Variants in LDLRAD3 observed in about 807,000 individuals in gnomAD.
The protein encoded by LDLRAD3 is low-density lipoprotein receptor class A domain-containing protein 3.
LDLRAD3 carries 20 observed loss-of-function variants against 29.4 expected under a neutral mutation model. The observed-to-expected ratio is 0.68, with a 90% CI of 0.48 to 0.99. The LOEUF is 0.99. Ranked by LOEUF, LDLRAD3 falls within the 50% of genes least tolerant of loss-of-function variation. LDLRAD3 has a pLI of 0.00. For missense variants in LDLRAD3, 420 were observed against 454.3 expected (o/e 0.92, Z 0.69); for synonymous variants, 157 against 192.7 (o/e 0.81, Z 1.53).
chr11:35,968,426 G>A (rs543905913), intron 1 of LDLRAD3: 160 of 372,130 alleles, frequency 4.3e-4, no homozygotes, highest in African/African-American at 2.6e-3. Context: ...TTGGCCTGGT[G>A]TCTCAGGATA....
chr11:36,100,845 A>G (rs1853436358), intron 4 of LDLRAD3, among the ~76,000 whole-genome samples: 3 of 152,226 alleles, frequency 2.0e-5, no homozygotes, highest in Admixed American at 1.3e-4. Flanking sequence ...TAGGCCTGTC[A>G]ATAGTTTGGG....
intron 3 of LDLRAD3, among the ~76,000 whole-genome samples, chr11:36,093,991 T>C (rs1853321655): frequency 6.6e-6 from 1 of 152,176 alleles, no homozygotes; most frequent in Non-Finnish European, 1.5e-5. Flanking sequence ...ATATGTAAAA[T>C]AGGTGATGGT....
chr11:36,143,557 C>T (rs937828864), intron 4 of LDLRAD3, among the ~76,000 whole-genome samples: 4 of 152,194 alleles, frequency 2.6e-5, no homozygotes, highest in Admixed American at 1.3e-4. Flanking sequence ...AGGGAGAATG[C>T]CACAGGAAAA....
At chr11:36,127,654 C>G (rs1853857173) in intron 4 of LDLRAD3, among the ~76,000 whole-genome samples, 1 of 152,090 alleles carries the variant, frequency 6.6e-6, no homozygotes, top group Non-Finnish European at 1.5e-5. Flanking sequence ...TGTTAGTTAA[C>G]CTGAGTAGAC....
intron 1 of LDLRAD3, among the ~76,000 whole-genome samples, chr11:35,954,987 C>T (rs767379971): frequency 2.0e-5 from 3 of 152,130 alleles, no homozygotes; most frequent in Non-Finnish European, 2.9e-5. Context: ...AGGCCGGGTG[C>T]ACTGGCTTAC....
intron 4 of LDLRAD3, among the ~76,000 whole-genome samples, chr11:36,221,199 T>A (rs1341396623): frequency 1.3e-5 from 2 of 151,982 alleles, no homozygotes; most frequent in Non-Finnish European, 2.9e-5. Flanking sequence ...TATATAAAAT[T>A]AGCCAGGCAT....
chr11:36,041,885 G>A (rs1462171370), intron 2 of LDLRAD3, among the ~76,000 whole-genome samples: 1 of 150,930 alleles, frequency 6.6e-6, no homozygotes, highest in East Asian at 1.9e-4. Flanking sequence ...GGTTGAGGGG[G>A]GTGTGGAGGA....
chr11:36,034,009 T>C (rs183336526), intron 1 of LDLRAD3, among the ~76,000 whole-genome samples: 103 of 152,316 alleles, frequency 6.8e-4, no homozygotes, highest in African/African-American at 2.3e-3. Flanking sequence ...AATTCCATGT[T>C]GTTCCATGCT....
At chr11:36,028,582 C>T (rs574237409) in intron 1 of LDLRAD3, among the ~76,000 whole-genome samples, 334 of 152,260 alleles carry the variant, frequency 2.2e-3, no homozygotes, top group Non-Finnish European at 2.7e-3. Context: ...AAAAATCAGA[C>T]ATTTATAATA....
intron 1 of LDLRAD3, among the ~76,000 whole-genome samples, chr11:35,962,788 A>G (rs1159343374): frequency 6.6e-6 from 1 of 152,242 alleles, no homozygotes; most frequent in African/African-American, 2.4e-5. Context: ...CATACATAGG[A>G]CACCATGAAA....
intron 3 of LDLRAD3, among the ~76,000 whole-genome samples, chr11:36,094,497 C>G (rs1853329744): frequency 6.6e-6 from 1 of 152,330 alleles, no homozygotes; most frequent in Non-Finnish European, 1.5e-5. Flanking sequence ...CAGTATAACA[C>G]ATGGTATCCA....
chr11:36,225,733 C>T (rs1855489274), intron 4 of LDLRAD3, among the ~76,000 whole-genome samples: 1 of 151,962 alleles, frequency 6.6e-6, no homozygotes, highest in Non-Finnish European at 1.5e-5. Flanking sequence ...AGAATCACAC[C>T]ACCTACCCCA....
At chr11:36,186,138 T>C (rs1462691434) in intron 4 of LDLRAD3, among the ~76,000 whole-genome samples, 2 of 152,142 alleles carry the variant, frequency 1.3e-5, no homozygotes, top group Non-Finnish European at 2.9e-5. Flanking sequence ...TTCCTCACAC[T>C]ATCACTTTTT....
intron 4 of LDLRAD3, among the ~76,000 whole-genome samples, chr11:36,118,404 A>G (rs1853703086): frequency 1.3e-5 from 2 of 152,052 alleles, no homozygotes; most frequent in Admixed American, 1.3e-4. Context: ...ATTAGAGGGA[A>G]ACGTCTGCAT....
intron 1 of LDLRAD3, among the ~76,000 whole-genome samples, chr11:36,019,702 G>T (rs1269184098): frequency 6.6e-6 from 1 of 152,142 alleles, no homozygotes; most frequent in Non-Finnish European, 1.5e-5. Context: ...GAGCACAGTA[G>T]CCCATCACAC....
At chr11:36,035,403 G>A (rs1489578799) in intron 1 of LDLRAD3, among the ~76,000 whole-genome samples, 2 of 152,096 alleles carry the variant, frequency 1.3e-5, no homozygotes, top group Non-Finnish European at 1.5e-5. Flanking sequence ...TTGGCTGTTC[G>A]GGTTGGGGGC....
In LDLRAD3 at chr11:36,016,772, A is replaced by C. The variant is rs199702214; in HGVS notation, c.47-19331A>C. Among the ~76,000 whole-genome samples, 5 of 152,300 alleles carry C rather than the reference A, an allele frequency of 3.3e-5. No homozygotes were observed. In the East Asian group the frequency reaches 9.7e-4, roughly 29 times the overall value. On this transcript the variant is annotated intron_variant, in intron 1 of 5. Transcript: ENST00000315571. ...TCTACATCTCTAGCGATGAACAAACATGGGATTCTGCTATACATATTGTTT... is the reference window on the plus strand; with the variant it reads ...TCTACATCTCTAGCGATGAACAAACCTGGGATTCTGCTATACATATTGTTT...
chr11:35,989,920 C>T (rs1851666604), intron 1 of LDLRAD3, among the ~76,000 whole-genome samples: 1 of 152,112 alleles, frequency 6.6e-6, no homozygotes, highest in Non-Finnish European at 1.5e-5. Flanking sequence ...GATTGCTCTG[C>T]TAAGACTTCC....
At chr11:36,101,311 C>T (rs1436367679) in intron 4 of LDLRAD3, among the ~76,000 whole-genome samples, 2 of 152,044 alleles carry the variant, frequency 1.3e-5, no homozygotes, top group South Asian at 2.1e-4. Flanking sequence ...CAAATCCTGC[C>T]GAACCTACGT....
Sources: gnomAD v4.1 joint callset for allele counts (sites outside exome capture counted in the v4.1 genomes callset) on GRCh38, gnomAD v4.1.1 for gene constraint, MANE v1.5 for transcripts, NCBI Gene and HGNC (gene_info 2026-07-23, HGNC 2026-07-21) for gene names.